NBAS: variants seen among roughly 807,000 people sequenced by gnomAD.
NBAS encodes the protein NBAS subunit of NRZ tethering complex, also known as NAG/BC035112 fusion.
NBAS carries 219 observed loss-of-function variants against 302.5 expected under a neutral mutation model. That is an observed-to-expected ratio of 0.72 (90% CI 0.65 to 0.81). The LOEUF (loss-of-function observed/expected upper bound fraction) is 0.81. NBAS is among the 30% of genes least tolerant of loss of function. NBAS has a pLI of 0.00. For synonymous variants in NBAS, 1,118 were observed against 1,021.6 expected, an observed-to-expected ratio of 1.09 and a Z score of -1.80; for missense variants, 2,932 against 2,841.6, an observed-to-expected ratio of 1.03 and a Z score of -0.72.
At position 15,379,672 on chromosome 2, in the gene NBAS, C is replaced by T. The variant is rs779059501; in HGVS notation, c.3520G>A (p.Val1174Ile). 7.4e-6 allele frequency: 12 copies of T among 1,613,894 alleles called. No individual in the cohort carries two copies. In the African/African-American group the frequency reaches 1.3e-4, roughly 18 times the overall value. Residue 1174 changes from valine (V) to isoleucine (I), a missense_variant, in exon 30 of 52, where the codon GTT (valine) becomes ATT (isoleucine). Physicochemically the swap from Val to Ile is conservative, Grantham distance 29. Transcript: ENST00000281513. ...RVSYEKSIDL[V>I]LAASREYFNS... Reference sequence around the variant, plus strand: ...AAGTACTCTCTGCTGGCAGCCAAAACCAAGTCAATACTCTTTTCGTAGCTG... The same window carrying T: ...AAGTACTCTCTGCTGGCAGCCAAAATCAAGTCAATACTCTTTTCGTAGCTG...
In NBAS at chr2:15,186,896, A is replaced by G; in HGVS notation, c.6573-16T>C. ...ATTGGTTATGCTGGTGTTTATGGAG[A>G]AAAATACAAGGCACTGGAAATGACT... On this transcript the variant is annotated splice_polypyrimidine_tract_variant and intron_variant, in intron 49 of 51. Transcript: ENST00000281513. 1 of 1,613,908 alleles carries G rather than the reference A, an allele frequency of 6.2e-7. No homozygotes were observed. Among genetic ancestry groups the G allele is most frequent in the Non-Finnish European group, 8.5e-7 (1 of 1,179,858 alleles).
intron 25 of NBAS, among the ~76,000 whole-genome samples, chr2:15,408,056 C>T (rs1676505005): frequency 6.6e-6 from 1 of 152,156 alleles, no homozygotes; most frequent in African/African-American, 2.4e-5. Flanking sequence ...GGACTGGACA[C>T]ACCTGGATAA....
At chr2:14,975,085 C>G in the NBAS span, among the ~76,000 whole-genome samples, 1 of 152,124 alleles carries the variant, frequency 6.6e-6, no homozygotes, top group African/African-American at 2.4e-5. Flanking sequence ...GGTCCTCCAA[C>G]CTCACAGAAC....
the NBAS span, among the ~76,000 whole-genome samples, chr2:14,888,938 T>A: frequency 6.6e-6 from 1 of 152,210 alleles, no homozygotes; most frequent in Non-Finnish European, 1.5e-5. Context: ...AACCTTGCAC[T>A]TTGCTGAATG....
chr2:15,481,282 T>C (rs557679112), intron 12 of NBAS, among the ~76,000 whole-genome samples: 1 of 152,220 alleles, frequency 6.6e-6, no homozygotes, highest in Non-Finnish European at 1.5e-5. Context: ...ACTGCTGCTA[T>C]GAATATGTAG....
the NBAS span, among the ~76,000 whole-genome samples, chr2:15,037,087 G>C: frequency 6.6e-6 from 1 of 152,170 alleles, no homozygotes; most frequent in African/African-American, 2.4e-5. Flanking sequence ...TTGGAGCTTA[G>C]ATTCACACGG....
chr2:15,318,913 C>T (rs1371554301), intron 38 of NBAS, among the ~76,000 whole-genome samples: 4 of 152,190 alleles, frequency 2.6e-5, no homozygotes, highest in African/African-American at 7.2e-5. Context: ...TAGACATCTA[C>T]AGAACTCTCC....
At chr2:14,932,593 A>G in the NBAS span, among the ~76,000 whole-genome samples, 1 of 152,134 alleles carries the variant, frequency 6.6e-6, no homozygotes, top group Admixed American at 6.5e-5. Context: ...TGACTTGCCC[A>G]GGTTTGCTTA....
chr2:14,968,528 C>T, the NBAS span, among the ~76,000 whole-genome samples: 1,240 of 152,226 alleles, frequency 8.1e-3, 5 homozygotes, highest in Non-Finnish European at 0.012. Context: ...ACATCAAACT[C>T]TTGGCTTCAA....
intron 35 of NBAS, among the ~76,000 whole-genome samples, chr2:15,332,967 C>A (rs1672420321): frequency 1.3e-5 from 2 of 152,070 alleles, no homozygotes. Flanking sequence ...AATGGGGTGA[C>A]AAAAAGGAGT....
intron 29 of NBAS, among the ~76,000 whole-genome samples, chr2:15,380,287 A>G (rs1173255122): frequency 6.6e-6 from 1 of 152,104 alleles, no homozygotes; most frequent in Non-Finnish European, 1.5e-5. Flanking sequence ...TATGTTGTCC[A>G]TAGGCTGGTC....
the NBAS span, among the ~76,000 whole-genome samples, chr2:15,145,309 T>G: frequency 6.6e-6 from 1 of 152,070 alleles, no homozygotes; most frequent in Admixed American, 6.6e-5. Flanking sequence ...AGCCCTGTGC[T>G]TTTACACGCA....
chr2:15,276,702 G>A lies in NBAS; in HGVS notation c.5389+149C>T. On this transcript the variant is annotated intron_variant, in intron 43 of 51. Coordinates refer to ENST00000281513, the MANE Select transcript of NBAS (RefSeq NM_015909.4). ...TCCCTCAACTATAAGTGAAAGAGTT[G>A]GAAAGATAATAACTAAAGTCGATTA... The A allele has an allele frequency of 5.1e-6, 6 of 1,178,840 alleles. No individual in the cohort carries two copies. In the South Asian group the frequency reaches 5.6e-5, roughly 11 times the overall value. The allele number at this position is 1,178,840 out of a possible 1,614,324, so 73.0% of individuals were successfully genotyped here. A position where few individuals can be genotyped will look rare whatever the true frequency, so the allele number is the denominator to read the frequency against.
chr2:15,539,408 T>C (rs1401644342), intron 6 of NBAS, 52 bp from the exon 7 acceptor site: 13 of 1,605,090 alleles, frequency 8.1e-6, no homozygotes. Flanking sequence ...ACAAAGATAG[T>C]TAATGCTTTT....
At chr2:15,035,064 G>A in the NBAS span, among the ~76,000 whole-genome samples, 1 of 150,600 alleles carries the variant, frequency 6.6e-6, no homozygotes, top group Admixed American at 6.6e-5. Flanking sequence ...TTCATAGTAT[G>A]TTGCACCACA....
At chr2:15,161,709 C>T in the NBAS span, among the ~76,000 whole-genome samples, 3 of 152,176 alleles carry the variant, frequency 2.0e-5, no homozygotes, top group African/African-American at 7.2e-5. Context: ...CTCCACCCAG[C>T]CAGGGCAGCT....
chr2:15,215,298 G>A (rs1042885311), intron 48 of NBAS, among the ~76,000 whole-genome samples: 1 of 152,104 alleles, frequency 6.6e-6, no homozygotes, highest in Non-Finnish European at 1.5e-5. Context: ...CTGTCTCTCC[G>A]AGAACCAGTG....
intron 12 of NBAS, among the ~76,000 whole-genome samples, chr2:15,480,900 G>C (rs1237594509): frequency 1.3e-5 from 2 of 152,102 alleles, no homozygotes; most frequent in African/African-American, 4.8e-5. Context: ...ACCATGTTGT[G>C]TGACCATCAC....
At chr2:14,963,223 G>A in the NBAS span, among the ~76,000 whole-genome samples, 27 of 152,008 alleles carry the variant, frequency 1.8e-4, 1 homozygote, top group African/African-American at 6.0e-4. Flanking sequence ...AACCAAGATC[G>A]CGACCCAGCA....
Sources: gnomAD v4.1 joint callset for allele counts (sites outside exome capture counted in the v4.1 genomes callset) on GRCh38, gnomAD v4.1.1 for gene constraint, MANE v1.5 for transcripts, NCBI Gene and HGNC (gene_info 2026-07-23, HGNC 2026-07-21) for gene names.